Variants in ARHGAP26 observed in about 807,000 individuals in gnomAD.
The protein encoded by ARHGAP26 is Rho GTPase activating protein 26.
Under a neutral mutation model 104.8 loss-of-function variants are expected in ARHGAP26, and 38 were observed. That is an observed-to-expected ratio of 0.36 (90% CI 0.28 to 0.48). The LOEUF is 0.48. ARHGAP26 is among the 20% of genes least tolerant of loss of function. The pLI, the probability that ARHGAP26 is intolerant of heterozygous loss-of-function variation, is 0.99. For missense variants in ARHGAP26, 704 were observed against 947.9 expected, an observed-to-expected ratio of 0.74 and a Z score of 3.38; for synonymous variants, 341 against 340.0, an observed-to-expected ratio of 1.00 and a Z score of -0.03.
chr5:142,998,730 C>T (rs552968509), intron 11 of ARHGAP26, among the ~76,000 whole-genome samples: 1 of 151,938 alleles, frequency 6.6e-6, no homozygotes, highest in African/African-American at 2.4e-5. Flanking sequence ...TTTCCCCACC[C>T]CCTAAAAAAA....
intron 1 of ARHGAP26, among the ~76,000 whole-genome samples, chr5:142,787,883 G>A (rs1758986582): frequency 6.6e-6 from 1 of 152,000 alleles, no homozygotes; most frequent in South Asian, 2.1e-4. Context: ...ATGGTTTTTG[G>A]TGGCTACATA....
At chr5:143,087,468 T>C (rs1158482563) in intron 17 of ARHGAP26, among the ~76,000 whole-genome samples, 1 of 152,058 alleles carries the variant, frequency 6.6e-6, no homozygotes, top group African/African-American at 2.4e-5. Flanking sequence ...TGGCCAAATT[T>C]AGTATATGCC....
At chr5:142,935,399 A>G (rs1765272646) in intron 11 of ARHGAP26, among the ~76,000 whole-genome samples, 1 of 152,212 alleles carries the variant, frequency 6.6e-6, no homozygotes, top group African/African-American at 2.4e-5. Context: ...TCGCGATTGC[A>G]GCTACTAACT....
intron 17 of ARHGAP26, among the ~76,000 whole-genome samples, chr5:143,063,340 C>T (rs1419686593): frequency 6.6e-6 from 1 of 152,204 alleles, no homozygotes; most frequent in Non-Finnish European, 1.5e-5. Flanking sequence ...ATTGCTCTGG[C>T]TGGTGGAGCT....
At position 143,213,402 on chromosome 5, in the gene ARHGAP26, G is replaced by A. The variant is rs1057340184; in HGVS notation, c.2100-595G>A. ...CACACACATGTGTAATTGCCCTCAT[G>A]CACCTTGTCTATTCCCTCCCCTGGG... On this transcript the variant is annotated intron_variant, in intron 21 of 22. Transcript: ENST00000645722. Among the ~76,000 whole-genome samples the A allele has an allele frequency of 5.7e-5, 8 of 141,002 alleles. No individual in the cohort carries two copies. The East Asian group carries it at 6.1e-4, about 11-fold the overall frequency. The allele number at this position is 141,002 out of a possible 152,430, so 92.5% of individuals were successfully genotyped here. A position where few individuals can be genotyped will look rare whatever the true frequency, so the allele number is the denominator to read the frequency against.
chr5:143,047,590 A>G (rs973986154), intron 14 of ARHGAP26, among the ~76,000 whole-genome samples: 4 of 152,202 alleles, frequency 2.6e-5, no homozygotes, highest in African/African-American at 7.2e-5. Context: ...GAGGGAGACT[A>G]TGCTACACCC....
chr5:143,076,501 A>G (rs983898998), intron 17 of ARHGAP26, among the ~76,000 whole-genome samples: 1 of 152,220 alleles, frequency 6.6e-6, no homozygotes, highest in East Asian at 1.9e-4. Flanking sequence ...GTATATATTT[A>G]TATGTGTGGG....
At chr5:142,874,892 C>A (rs183664623) in intron 2 of ARHGAP26, 1 of 533,674 alleles carries the variant, frequency 1.9e-6, no homozygotes, top group Admixed American at 3.2e-5. Flanking sequence ...TTGAAGAAAT[C>A]ATTCCCTAGC....
chr5:142,922,108 A>G (rs1219586350), intron 10 of ARHGAP26: 2 of 152,332 alleles, frequency 1.3e-5, no homozygotes, highest in East Asian at 3.9e-4. Context: ...TTGTTGATAC[A>G]TGCTTCAAAT....
chr5:143,115,189 C>T (rs1325722917), intron 17 of ARHGAP26, among the ~76,000 whole-genome samples: 7 of 151,872 alleles, frequency 4.6e-5, no homozygotes, highest in Non-Finnish European at 2.9e-5. Context: ...AAAAGTTAGC[C>T]AGGCATGGTG....
chr5:142,917,468 G>C lies in ARHGAP26; in HGVS notation c.1028+4175G>C, dbSNP rs141670264. On this transcript the variant is annotated intron_variant, in intron 10 of 22. Transcript: ENST00000645722. ...GGGAAGTGCTATTGGCACCCTGTCAGTTGCATTTGGCATTGTAAACTACAA... is the reference window on the plus strand; with the variant it reads ...GGGAAGTGCTATTGGCACCCTGTCACTTGCATTTGGCATTGTAAACTACAA... Among the ~76,000 whole-genome samples, 68 of 152,302 alleles carry C rather than the reference G, an allele frequency of 4.5e-4. No individual in the cohort carries two copies. The South Asian group carries it at 6.8e-3, about 15-fold the overall frequency.
rs557694607 is a variant in ARHGAP26 at position 142,982,558 on chromosome 5, C to T, written c.1108-31522C>T. Among the ~76,000 whole-genome samples, 31 of 152,206 alleles carry T rather than the reference C, an allele frequency of 2.0e-4. No individual in the cohort carries two copies. In the South Asian group the frequency reaches 3.3e-3, roughly 16 times the overall value. ...CAGTCCTGTGGAATTGGCTGAATAG[C>T]GGAAGGAAGGAATCTGAAAAGGAAG... is the stretch of plus-strand genomic sequence containing the variant. On this transcript the variant is annotated intron_variant, in intron 11 of 22. Transcript: ENST00000645722.
chr5:143,076,437 C>T (rs992092678), intron 17 of ARHGAP26, among the ~76,000 whole-genome samples: 4 of 151,990 alleles, frequency 2.6e-5, no homozygotes, highest in African/African-American at 9.7e-5. Context: ...GAGCAAAATG[C>T]ACAAAAAATA....
chr5:143,133,517 C>T (rs1197966351), intron 18 of ARHGAP26, among the ~76,000 whole-genome samples: 4 of 152,186 alleles, frequency 2.6e-5, no homozygotes, highest in Non-Finnish European at 5.9e-5. Flanking sequence ...TATTTAAATA[C>T]ATGTTTCACA....
intron 1 of ARHGAP26, among the ~76,000 whole-genome samples, chr5:142,827,097 G>A (rs1485949976): frequency 1.3e-5 from 2 of 151,658 alleles, no homozygotes; most frequent in Non-Finnish European, 2.9e-5. Context: ...GGGAAACTGA[G>A]CTTCTGTTTT....
chr5:143,074,718 G>A (rs1196033769), intron 17 of ARHGAP26, among the ~76,000 whole-genome samples: 1 of 152,220 alleles, frequency 6.6e-6, no homozygotes, highest in East Asian at 1.9e-4. Context: ...GTCCTTTAGA[G>A]AAGGTCTGCC....
chr5:142,912,642 T>A (rs76442802), intron 9 of ARHGAP26, among the ~76,000 whole-genome samples: 2,366 of 152,336 alleles, frequency 0.016, 67 homozygotes, highest in African/African-American at 0.054. Flanking sequence ...GAGACAAAAG[T>A]AAGCAAAATT....
intron 1 of ARHGAP26, among the ~76,000 whole-genome samples, chr5:142,872,470 G>C (rs531256106): frequency 6.6e-6 from 1 of 152,120 alleles, no homozygotes; most frequent in Non-Finnish European, 1.5e-5. Flanking sequence ...TGAATGATTA[G>C]CCTAATCTGC....
At chr5:143,046,384 A>G (rs1441718523) in intron 14 of ARHGAP26, among the ~76,000 whole-genome samples, 1 of 152,194 alleles carries the variant, frequency 6.6e-6, no homozygotes, top group African/African-American at 2.4e-5. Flanking sequence ...CTCTTAATAC[A>G]TTGGAGGACT....
Sources: allele counts gnomAD v4.1 joint callset (sites outside exome capture counted in the v4.1 genomes callset), GRCh38; gene constraint gnomAD v4.1.1; transcripts MANE v1.5; gene names NCBI Gene and HGNC (gene_info 2026-07-23, HGNC 2026-07-21).